NAALADL2: variants seen among roughly 807,000 people sequenced by gnomAD.
NAALADL2 encodes the protein N-acetylated alpha-linked acidic dipeptidase like 2.
NAALADL2 carries 76 observed loss-of-function variants against 87.2 expected under a neutral mutation model. The ratio of observed to expected loss-of-function variants is 0.87; its 90% CI spans 0.72 to 1.05. The LOEUF (loss-of-function observed/expected upper bound fraction) is 1.05, where lower values mean the gene tolerates loss of function less well. Ranked by LOEUF, NAALADL2 falls within the 50% of genes least tolerant of loss-of-function variation. NAALADL2 has a pLI of 0.00. For synonymous variants in NAALADL2, 354 were observed against 331.0 expected (o/e 1.07, Z -0.75); for missense variants, 1,089 against 945.8 (o/e 1.15, Z -1.99).
At chr3:174,939,815 G>A (rs1239404508) in intron 1 of NAALADL2, among the ~76,000 whole-genome samples, 1 of 151,898 alleles carries the variant, frequency 6.6e-6, no homozygotes, top group Non-Finnish European at 1.5e-5. Flanking sequence ...TGTGGCTGTT[G>A]TGGTATATAG....
intron 1 of NAALADL2, among the ~76,000 whole-genome samples, chr3:174,979,023 G>A (rs186528797): frequency 6.6e-5 from 10 of 152,198 alleles, no homozygotes; most frequent in African/African-American, 2.2e-4. Flanking sequence ...AGCCAGGAAG[G>A]AGTGATTATT....
Position 175,365,720 on chromosome 3 carries a change from A to G in NAALADL2, c.1090+41395A>G, listed in dbSNP as rs1765476192. On this transcript the variant is annotated intron_variant, in intron 5 of 13. Coordinates refer to ENST00000454872, the MANE Select transcript of NAALADL2 (RefSeq NM_207015.3). ...TATGACCTAAAAAAATCTGAGATAC[A>G]TAGGATCCAAGACATGCTTAACATT... Among the ~76,000 whole-genome samples the G allele has an allele frequency of 2.0e-5, 3 of 147,324 alleles. No homozygotes were observed. The East Asian group carries it at 6.0e-4, about 30-fold the overall frequency.
At chr3:174,742,255 A>G (rs1167432028) in intron 3 of NAALADL2, among the ~76,000 whole-genome samples, 1 of 151,722 alleles carries the variant, frequency 6.6e-6, no homozygotes, top group African/African-American at 2.4e-5. Context: ...TGAATATGCT[A>G]CCATAGTTTT....
chr3:175,247,655 T>A (rs1188157325), intron 3 of NAALADL2, among the ~76,000 whole-genome samples: 1 of 152,062 alleles, frequency 6.6e-6, no homozygotes, highest in Non-Finnish European at 1.5e-5. Flanking sequence ...CAATGTAAAA[T>A]AAAAATGCAG....
intron 2 of NAALADL2, among the ~76,000 whole-genome samples, chr3:174,699,400 G>T (rs1729340924): frequency 2.1e-5 from 2 of 95,308 alleles, no homozygotes; most frequent in South Asian, 8.5e-4. Flanking sequence ...GCTGAGGCAG[G>T]GGAGAATCCC....
chr3:175,489,883 G>A (rs1483180723), intron 9 of NAALADL2, among the ~76,000 whole-genome samples: 1 of 152,118 alleles, frequency 6.6e-6, no homozygotes, highest in Non-Finnish European at 1.5e-5. Context: ...CTCTACATTA[G>A]TATATGACAA....
intron 5 of NAALADL2, among the ~76,000 whole-genome samples, chr3:175,378,245 G>T (rs1026393307): frequency 6.6e-6 from 1 of 152,118 alleles, no homozygotes; most frequent in Non-Finnish European, 1.5e-5. Context: ...TCCCACAAGG[G>T]GTGGAGCAAA....
intron 4 of NAALADL2, among the ~76,000 whole-genome samples, chr3:175,258,867 C>T (rs578258537): frequency 6.6e-6 from 1 of 152,230 alleles, no homozygotes; most frequent in Non-Finnish European, 1.5e-5. Context: ...TTGACATTGG[C>T]CTGCATCCCA....
intron 1 of NAALADL2, among the ~76,000 whole-genome samples, chr3:174,972,427 A>G (rs76384726): frequency 0.024 from 3,705 of 152,236 alleles, 58 homozygotes; most frequent in Non-Finnish European, 0.037. Flanking sequence ...GTTTCTCCTG[A>G]GTCCCTTCCT....
At chr3:175,413,624 C>CTCA (rs1187951674) in intron 5 of NAALADL2, among the ~76,000 whole-genome samples, 13 of 149,532 alleles carry the variant, frequency 8.7e-5, no homozygotes, top group Non-Finnish European at 1.9e-4. Context: ...AGGATATGAG[C>CTCA]ACTAACTGAA....
intron 2 of NAALADL2, among the ~76,000 whole-genome samples, chr3:174,594,158 A>G (rs1717654047): frequency 6.6e-6 from 1 of 152,116 alleles, no homozygotes; most frequent in Admixed American, 6.6e-5. Flanking sequence ...ACTTTCATGA[A>G]TAATACTTGG....
At chr3:174,710,212 A>G (rs1730483319) in intron 2 of NAALADL2, among the ~76,000 whole-genome samples, 1 of 150,836 alleles carries the variant, frequency 6.6e-6, no homozygotes, top group Admixed American at 6.6e-5. Flanking sequence ...ATGGTAGTCA[A>G]CTAGTCATAT....
intron 5 of NAALADL2, among the ~76,000 whole-genome samples, chr3:175,332,103 C>T (rs972659039): frequency 6.6e-6 from 1 of 152,260 alleles, no homozygotes. Context: ...GGAAAGACAT[C>T]TTGTGCTCAT....
At chr3:175,586,217 C>G (rs890884324) in intron 10 of NAALADL2, among the ~76,000 whole-genome samples, 2 of 149,332 alleles carry the variant, frequency 1.3e-5, no homozygotes, top group Non-Finnish European at 2.9e-5. Context: ...TACACAGAAA[C>G]TTATCTTGTT....
intron 1 of NAALADL2, among the ~76,000 whole-genome samples, chr3:174,861,807 A>G (rs910143688): frequency 2.6e-5 from 4 of 151,978 alleles, no homozygotes; most frequent in Non-Finnish European, 5.9e-5. Context: ...CTCTGACCCA[A>G]TTATACTCTC....
At chr3:175,199,409 C>T (rs558614841) in intron 2 of NAALADL2, among the ~76,000 whole-genome samples, 1 of 152,184 alleles carries the variant, frequency 6.6e-6, no homozygotes, top group East Asian at 1.9e-4. Context: ...CCATGCTTTA[C>T]TCCTATCTAA....
chr3:175,678,863 C>T (rs1054212624), intron 11 of NAALADL2, among the ~76,000 whole-genome samples: 1 of 152,122 alleles, frequency 6.6e-6, no homozygotes, highest in Non-Finnish European at 1.5e-5. Flanking sequence ...TCACTTGCAT[C>T]CATGTGAAGA....
intron 1 of NAALADL2, among the ~76,000 whole-genome samples, chr3:175,049,159 G>A (rs1470296684): frequency 6.6e-6 from 1 of 151,894 alleles, no homozygotes; most frequent in African/African-American, 2.4e-5. Flanking sequence ...GGTAATCCTG[G>A]CTCATCAAGC....
At chr3:174,711,550 A>G (rs1730635372) in intron 2 of NAALADL2, among the ~76,000 whole-genome samples, 1 of 152,184 alleles carries the variant, frequency 6.6e-6, no homozygotes, top group African/African-American at 2.4e-5. Flanking sequence ...TTCTTTACTC[A>G]TTAAGGGTAA....
Sources: gnomAD v4.1 joint callset for allele counts (sites outside exome capture counted in the v4.1 genomes callset) on GRCh38, gnomAD v4.1.1 for gene constraint, MANE v1.5 for transcripts, NCBI Gene and HGNC (gene_info 2026-07-23, HGNC 2026-07-21) for gene names.